Variants in SLC9B1 observed in about 807,000 individuals in gnomAD.
SLC9B1 encodes solute carrier family 9 member B1.
SLC9B1 carries 32 observed loss-of-function variants against 51.7 expected under a neutral mutation model. That is an observed-to-expected ratio of 0.62 (90% CI 0.47 to 0.83). The LOEUF (loss-of-function observed/expected upper bound fraction) is 0.83, where lower values mean the gene tolerates loss of function less well. Ranked by LOEUF, SLC9B1 falls within the 40% of genes least tolerant of loss-of-function variation. The pLI is 0.00. For synonymous variants in SLC9B1, 145 were observed against 212.7 expected (o/e 0.68, Z 2.77); for missense variants, 406 against 613.2 (o/e 0.66, Z 3.57).
intron 11 of SLC9B1, among the ~76,000 whole-genome samples, chr4:102,886,195 C>T (rs1020597199): frequency 1.3e-5 from 2 of 151,956 alleles, no homozygotes; most frequent in Non-Finnish European, 2.9e-5. Flanking sequence ...GTTTAAAAAA[C>T]GAATACACGC....
chr4:102,954,048 C>A (rs1173487164), intron 3 of SLC9B1, among the ~76,000 whole-genome samples: 2 of 46,616 alleles, frequency 4.3e-5, no homozygotes, highest in Non-Finnish European at 7.1e-5. Flanking sequence ...CTGTCTTGTG[C>A]TGGTTTTCAA....
At chr4:102,943,506 TACAC>T (rs373442152) in intron 6 of SLC9B1, among the ~76,000 whole-genome samples, 185 of 145,568 alleles carry the variant, frequency 1.3e-3, no homozygotes, top group East Asian at 2.4e-3. Flanking sequence ...TGTGTATGTA[TACAC>T]ACACACACAC....
intron 3 of SLC9B1, among the ~76,000 whole-genome samples, chr4:102,950,612 A>G (rs1737499339): frequency 6.6e-6 from 1 of 152,216 alleles, no homozygotes; most frequent in Non-Finnish European, 1.5e-5. Flanking sequence ...CCAGGCAGAA[A>G]GTTAGAACAA....
chr4:102,948,613 C>A (rs1407806297), intron 4 of SLC9B1, among the ~76,000 whole-genome samples: 1 of 152,090 alleles, frequency 6.6e-6, no homozygotes. Flanking sequence ...TACATATACA[C>A]CATGGAATGC....
chr4:102,993,693 A>T (rs4698872), intron 1 of SLC9B1, among the ~76,000 whole-genome samples: 7 of 152,194 alleles, frequency 4.6e-5, no homozygotes, highest in Admixed American at 1.3e-4. Flanking sequence ...GAGGTTCTCC[A>T]TGAGGGCTCT....
chr4:102,903,586 C>A (rs903107194), intron 11 of SLC9B1, among the ~76,000 whole-genome samples: 1 of 152,224 alleles, frequency 6.6e-6, no homozygotes, highest in Non-Finnish European at 1.5e-5. Context: ...GCTTTTCTAA[C>A]ATGATAATAG....
At chr4:103,009,017 T>C (rs1011490468) in intron 1 of SLC9B1, among the ~76,000 whole-genome samples, 21 of 151,914 alleles carry the variant, frequency 1.4e-4, no homozygotes, top group African/African-American at 1.9e-4. Context: ...CCAGGATGGT[T>C]TTGATCTCCT....
At chr4:102,977,827 C>CT (rs1251984207) in intron 3 of SLC9B1, among the ~76,000 whole-genome samples, 1 of 152,036 alleles carries the variant, frequency 6.6e-6, no homozygotes, top group African/African-American at 2.4e-5. Flanking sequence ...TATTATTATA[C>CT]TTTAAGTTTT....
intron 1 of SLC9B1, among the ~76,000 whole-genome samples, chr4:103,011,678 T>A (rs1741092998): frequency 6.6e-6 from 1 of 152,178 alleles, no homozygotes; most frequent in Admixed American, 6.5e-5. Context: ...TAGCACCACA[T>A]GGGCACCACC....
At chr4:102,950,687 A>G (rs1737505138) in intron 3 of SLC9B1, among the ~76,000 whole-genome samples, 1 of 152,130 alleles carries the variant, frequency 6.6e-6, no homozygotes, top group Non-Finnish European at 1.5e-5. Context: ...TTGGAGGGCT[A>G]AACTCTTACT....
intron 1 of SLC9B1, among the ~76,000 whole-genome samples, chr4:103,002,450 G>C (rs1163335573): frequency 6.6e-6 from 1 of 152,098 alleles, no homozygotes; most frequent in Admixed American, 6.5e-5. Flanking sequence ...AGAAAATGCT[G>C]TAATAACTTA....
intron 3 of SLC9B1, among the ~76,000 whole-genome samples, chr4:102,976,906 T>C (rs1359411527): frequency 6.6e-6 from 1 of 152,200 alleles, no homozygotes; most frequent in East Asian, 1.9e-4. Context: ...CCCAGAACTT[T>C]GGGAGGCCAA....
intron 1 of SLC9B1, among the ~76,000 whole-genome samples, chr4:103,002,093 A>G (rs142591604): frequency 6.6e-6 from 1 of 152,296 alleles, no homozygotes; most frequent in Non-Finnish European, 1.5e-5. Flanking sequence ...AACTGCTTCT[A>G]TGATCCAATC....
chr4:102,906,117 GGA>G (rs1735031254), intron 10 of SLC9B1, among the ~76,000 whole-genome samples: 1 of 151,978 alleles, frequency 6.6e-6, no homozygotes. Flanking sequence ...TGTATTTTTA[GGA>G]GAGAGGGGGT....
chr4:103,006,833 T>A lies in SLC9B1; in HGVS notation c.-2+12766A>T, dbSNP rs1480235791. Among the ~76,000 whole-genome samples the A allele has an allele frequency of 4.6e-5, 7 of 152,228 alleles. No individual in the cohort carries two copies. In the East Asian group the frequency reaches 1.3e-3, roughly 29 times the overall value. The stretch of plus-strand genomic sequence containing the variant: ...CCTGGCATGCAAAGTTGGTTCAACA[T>A]ATGTACCAATAATTGTGATTCATCA... On this transcript the variant is annotated intron_variant, in intron 1 of 11. Transcript: ENST00000296422.
At chr4:103,005,645 A>G (rs1160613406) in intron 1 of SLC9B1, among the ~76,000 whole-genome samples, 2 of 152,202 alleles carry the variant, frequency 1.3e-5, no homozygotes, top group African/African-American at 4.8e-5. Flanking sequence ...CCAAAACAAT[A>G]GAATATACAT....
At chr4:102,988,700 C>T (rs541841718) in intron 3 of SLC9B1, among the ~76,000 whole-genome samples, 11 of 151,950 alleles carry the variant, frequency 7.2e-5, no homozygotes, top group African/African-American at 1.9e-4. Flanking sequence ...GAATATGCAC[C>T]CCTAAATAGA....
At chr4:102,889,522 A>T (rs961608693) in intron 11 of SLC9B1, 1 of 152,264 alleles carries the variant, frequency 6.6e-6, no homozygotes, top group African/African-American at 2.4e-5. Context: ...GAGGAGACTA[A>T]AATGAATGAC....
At chr4:102,993,880 G>A (rs1215360718) in intron 1 of SLC9B1, among the ~76,000 whole-genome samples, 1 of 152,152 alleles carries the variant, frequency 6.6e-6, no homozygotes, top group Non-Finnish European at 1.5e-5. Flanking sequence ...AGCTGTACCT[G>A]GCCTCCTTTA....
Sources: gnomAD v4.1 joint callset for allele counts (sites outside exome capture counted in the v4.1 genomes callset) on GRCh38, gnomAD v4.1.1 for gene constraint, MANE v1.5 for transcripts, NCBI Gene and HGNC (gene_info 2026-07-23, HGNC 2026-07-21) for gene names.